The following SP140L variants were observed in gnomAD, a reference collection of about 807,000 sequenced individuals.
The protein encoded by SP140L is nuclear body protein SP140-like protein.
A neutral mutation model predicts 84.3 loss-of-function variants in SP140L; 64 were observed. The observed-to-expected ratio is 0.76, with a 90% CI of 0.62 to 0.94. The LOEUF is 0.94. Among genes scored for constraint, SP140L ranks in the 40% least tolerant of loss-of-function variants. The pLI, the probability that SP140L is intolerant of heterozygous loss-of-function variation, is 0.00. For synonymous variants in SP140L, 242 were observed against 236.9 expected (o/e 1.02, Z -0.20); for missense variants, 628 against 692.5 (o/e 0.91, Z 1.05).
chr2:230,387,570 G>A (rs774615245), intron 9 of SP140L, among the ~76,000 whole-genome samples: 1 of 152,122 alleles, frequency 6.6e-6, no homozygotes, highest in Non-Finnish European at 1.5e-5. Flanking sequence ...GGAATAAGTA[G>A]GTTGGAAAAT....
intron 2 of SP140L, among the ~76,000 whole-genome samples, chr2:230,354,339 TA>T (rs1293506130): frequency 6.6e-6 from 1 of 152,218 alleles, no homozygotes; most frequent in Non-Finnish European, 1.5e-5. Context: ...CTGTTCATGA[TA>T]AAATTCCCAG....
chr2:230,356,344 C>T lies in SP140L; in HGVS notation c.108-1461C>T, dbSNP rs575646923. ...TACTAGTCTCAAACTGAATCCACTCCAATGTCCATCAAGAGAAAAATGAGT... is the reference window on the plus strand; with the variant it reads ...TACTAGTCTCAAACTGAATCCACTCTAATGTCCATCAAGAGAAAAATGAGT... On this transcript the variant is annotated intron_variant, in intron 2 of 18. Transcript: ENST00000415673. 1.9e-3 allele frequency among the ~76,000 whole-genome samples: 290 copies of T among 152,246 alleles called. 1 individual carries two copies. Among genetic ancestry groups the T allele is most frequent in the African/African-American group, 6.7e-3 (279 of 41,552 alleles).
At chr2:230,381,870 T>C (rs903519827) in intron 7 of SP140L, among the ~76,000 whole-genome samples, 1 of 152,170 alleles carries the variant, frequency 6.6e-6, no homozygotes, top group African/African-American at 2.4e-5. Flanking sequence ...CTGGCTTTCA[T>C]ACAATAAGCA....
rs747476566 is a variant in SP140L, at chr2:230,390,026, G to A, written c.964+3G>A. ...ACATAAGGAGAAATTGGAACAAGGT[G>A]GGTTTCATAGTCTTCTTTAATTTGC... On this transcript the variant is annotated splice_donor_region_variant and intron_variant, in intron 11 of 18. Coordinates refer to ENST00000415673, the MANE Select transcript of SP140L (RefSeq NM_138402.6). 6.2e-7 allele frequency: 1 copy of A among 1,609,168 alleles called. No homozygotes were observed. The highest frequency in any genetic ancestry group is 8.5e-7 in the Non-Finnish European group (1 of 1,177,352).
chr2:230,336,321 C>T (rs1021024942), intron 2 of SP140L, among the ~76,000 whole-genome samples: 8 of 152,158 alleles, frequency 5.3e-5, no homozygotes, highest in African/African-American at 1.4e-4. Context: ...TAATCTAGAA[C>T]GTCTAAATTG....
At chr2:230,402,106 G>C (rs1380586224) in intron 18 of SP140L, among the ~76,000 whole-genome samples, 1 of 152,206 alleles carries the variant, frequency 6.6e-6, no homozygotes, top group Non-Finnish European at 1.5e-5. Flanking sequence ...ATAAAGAGAA[G>C]AGAATTTCAT....
At chr2:230,333,172 T>G (rs574966701) in intron 2 of SP140L, among the ~76,000 whole-genome samples, 15 of 152,140 alleles carry the variant, frequency 9.9e-5, no homozygotes, top group African/African-American at 3.6e-4. Flanking sequence ...TGATTTTTTT[T>G]TTTTTTTGAT....
At chr2:230,355,077 T>C (rs189649911) in intron 2 of SP140L, among the ~76,000 whole-genome samples, 1 of 152,262 alleles carries the variant, frequency 6.6e-6, no homozygotes, top group Admixed American at 6.5e-5. Context: ...TCACTTCTTC[T>C]CTTCAACATC....
chr2:230,382,802 G>C (rs569793373), intron 7 of SP140L, among the ~76,000 whole-genome samples: 20 of 152,362 alleles, frequency 1.3e-4, no homozygotes, highest in African/African-American at 4.8e-4. Context: ...GCTCCCTTCA[G>C]TGAGCCTACT....
intron 2 of SP140L, among the ~76,000 whole-genome samples, chr2:230,356,542 A>G (rs765638067): frequency 6.6e-6 from 1 of 152,244 alleles, no homozygotes; most frequent in African/African-American, 2.4e-5. Context: ...AACATCTGAC[A>G]GAATAAATGA....
At chr2:230,339,128 G>A (rs1462020588) in intron 2 of SP140L, among the ~76,000 whole-genome samples, 2 of 149,248 alleles carry the variant, frequency 1.3e-5, no homozygotes, top group African/African-American at 5.0e-5. Flanking sequence ...TCTGGTCCTG[G>A]ACTCTTTTTG....
chr2:230,335,320 T>A (rs2059837221), intron 2 of SP140L, among the ~76,000 whole-genome samples: 1 of 152,230 alleles, frequency 6.6e-6, no homozygotes. Flanking sequence ...TATTTTCTAA[T>A]AAATGCATGT....
chr2:230,396,745 T>G lies in SP140L; in HGVS notation c.1156-12T>G. ...TCAATATCATAAATCAATCTTTCTGTTTTTTCAACAGAGAATACTGAAGTC... is the reference window on the plus strand; with the variant it reads ...TCAATATCATAAATCAATCTTTCTGGTTTTTCAACAGAGAATACTGAAGTC... On this transcript the variant is annotated splice_polypyrimidine_tract_variant and intron_variant, in intron 13 of 18. Coordinates refer to ENST00000415673, the MANE Select transcript of SP140L (RefSeq NM_138402.6). The G allele has an allele frequency of 1.2e-6, 2 of 1,613,374 alleles. No homozygotes were observed. Among genetic ancestry groups the G allele is most frequent in the Non-Finnish European group, 1.7e-6 (2 of 1,179,628 alleles).
At chr2:230,381,748 ACACACACAC>A (rs2149790256) in intron 7 of SP140L, among the ~76,000 whole-genome samples, 1 of 151,664 alleles carries the variant, frequency 6.6e-6, no homozygotes, top group Non-Finnish European at 1.5e-5. Context: ...ACACACACAC[ACACACACAC>A]ACATTTCATA....
At chr2:230,385,336 C>T in intron 9 of SP140L, 32 bp downstream of exon 9, 1 of 1,597,912 alleles carries the variant, frequency 6.3e-7, no homozygotes, top group Non-Finnish European at 8.6e-7. Context: ...TTTTCATTTG[C>T]CCTGCAGGTC....
At chr2:230,367,662 G>T (rs2060930413) in intron 5 of SP140L, among the ~76,000 whole-genome samples, 1 of 152,106 alleles carries the variant, frequency 6.6e-6, no homozygotes, top group Non-Finnish European at 1.5e-5. Context: ...AATTATTGTA[G>T]CTAGGCTGGG....
chr2:230,361,518 C>A, intron 4 of SP140L, 96 bp from the exon 5 acceptor site: 10 of 868,084 alleles, frequency 1.2e-5, no homozygotes, highest in African/African-American at 1.7e-5. Flanking sequence ...ACTTCTGAGT[C>A]AGCCTAATGC....
chr2:230,364,213 T>C (rs1225202852), intron 5 of SP140L, among the ~76,000 whole-genome samples: 3 of 152,190 alleles, frequency 2.0e-5, no homozygotes, highest in Non-Finnish European at 4.4e-5. Flanking sequence ...TTTGGAACTT[T>C]TATATGATTT....
At chr2:230,340,808 T>TTAA (rs1268254027) in intron 2 of SP140L, among the ~76,000 whole-genome samples, 3 of 138,926 alleles carry the variant, frequency 2.2e-5, no homozygotes, top group African/African-American at 8.1e-5. Context: ...TTAAGAATGT[T>TTAA]GAATATTGGC....
Sources: allele counts gnomAD v4.1 joint callset (sites outside exome capture counted in the v4.1 genomes callset), GRCh38; gene constraint gnomAD v4.1.1; transcripts MANE v1.5; gene names NCBI Gene and HGNC (gene_info 2026-07-23, HGNC 2026-07-21).